Variants in TMEM232 observed in about 807,000 individuals in gnomAD.
The protein encoded by TMEM232 is transmembrane protein 232.
A neutral mutation model predicts 78.8 loss-of-function variants in TMEM232; 80 were observed. That is an observed-to-expected ratio of 1.01 (90% CI 0.85 to 1.22). The LOEUF is 1.22. Ranked by LOEUF, TMEM232 falls within the 50% of genes most tolerant of loss-of-function variation. The probability of loss-of-function intolerance (pLI) is 0.00; values close to 1 mark genes in which losing one functional copy is unlikely to be tolerated. For synonymous variants in TMEM232, 297 were observed against 254.3 expected (o/e 1.17, Z -1.60); for missense variants, 881 against 742.2 (o/e 1.19, Z -2.17).
chr5:110,704,476 C>T (rs1442499874), intron 1 of TMEM232, among the ~76,000 whole-genome samples: 1 of 152,060 alleles, frequency 6.6e-6, no homozygotes, highest in Non-Finnish European at 1.5e-5. Flanking sequence ...TGGACCAGGT[C>T]TGTACTCATG....
intron 10 of TMEM232, among the ~76,000 whole-genome samples, chr5:110,576,516 C>A (rs1777587140): frequency 6.6e-6 from 1 of 151,972 alleles, no homozygotes; most frequent in African/African-American, 2.4e-5. Flanking sequence ...ACATTCTTGA[C>A]AGAACTAGAA....
intron 12 of TMEM232, among the ~76,000 whole-genome samples, chr5:110,512,155 A>AAC (rs754430438): frequency 3.0e-4 from 45 of 152,204 alleles, no homozygotes; most frequent in Non-Finnish European, 5.0e-4. Flanking sequence ...GGTTTTAATT[A>AAC]ACATCTATCT....
At chr5:110,593,155 A>C (rs1779733411) in intron 10 of TMEM232, among the ~76,000 whole-genome samples, 1 of 152,172 alleles carries the variant, frequency 6.6e-6, no homozygotes, top group Non-Finnish European at 1.5e-5. Context: ...GGCACTGCTC[A>C]GAAGGAAGAA....
At chr5:110,672,173 T>C (rs1791443800) in intron 1 of TMEM232, among the ~76,000 whole-genome samples, 1 of 152,200 alleles carries the variant, frequency 6.6e-6, no homozygotes, top group Admixed American at 6.6e-5. Context: ...AGTAATATTT[T>C]TTGAGTTTCA....
At chr5:110,623,321 A>T (rs1784015351) in intron 7 of TMEM232, among the ~76,000 whole-genome samples, 1 of 152,188 alleles carries the variant, frequency 6.6e-6, no homozygotes, top group Non-Finnish European at 1.5e-5. Context: ...TTAAGTAATT[A>T]TGCCTTTATT....
chr5:110,657,949 A>C (rs553176354), intron 2 of TMEM232, among the ~76,000 whole-genome samples: 1 of 152,316 alleles, frequency 6.6e-6, no homozygotes, highest in South Asian at 2.1e-4. Context: ...AGAAATTTCA[A>C]ATAACAATTA....
intron 10 of TMEM232, among the ~76,000 whole-genome samples, chr5:110,573,786 GA>G (rs1777238031): frequency 6.6e-6 from 1 of 152,026 alleles, no homozygotes; most frequent in Non-Finnish European, 1.5e-5. Flanking sequence ...AGGAACAAGG[GA>G]AAAGCATTTC....
At chr5:110,415,740 TCTTC>T (rs1057415374), downstream of TMEM232, among the ~76,000 whole-genome samples, 12 of 152,104 alleles carry the variant, frequency 7.9e-5, no homozygotes, top group African/African-American at 2.9e-4. Flanking sequence ...ATTTTCTATT[TCTTC>T]GTGTTTTGAA....
chr5:110,628,219 A>C (rs1443138139), intron 5 of TMEM232, among the ~76,000 whole-genome samples: 2 of 152,116 alleles, frequency 1.3e-5, no homozygotes, highest in African/African-American at 4.8e-5. Context: ...TTTAAATAAA[A>C]TAAAAGAGAA....
intron 1 of TMEM232, among the ~76,000 whole-genome samples, chr5:110,686,686 A>G (rs1268545583): frequency 6.6e-6 from 1 of 152,202 alleles, no homozygotes; most frequent in African/African-American, 2.4e-5. Flanking sequence ...TAAGATTATA[A>G]GAGAAAATAC....
chr5:110,643,685 A>C (rs116696067), intron 2 of TMEM232, among the ~76,000 whole-genome samples: 3 of 152,032 alleles, frequency 2.0e-5, no homozygotes, highest in Admixed American at 2.0e-4. Context: ...GTATTTACTG[A>C]AATAGAATTT....
At chr5:110,515,238 T>C (rs927345703) in intron 12 of TMEM232, among the ~76,000 whole-genome samples, 1 of 152,222 alleles carries the variant, frequency 6.6e-6, no homozygotes, top group Admixed American at 6.5e-5. Context: ...GCAAACAAAA[T>C]TGATCATCTT....
intron 11 of TMEM232, among the ~76,000 whole-genome samples, chr5:110,533,798 T>A (rs925101932): frequency 7.2e-5 from 11 of 152,142 alleles, no homozygotes; most frequent in African/African-American, 2.7e-4. Flanking sequence ...TTCCTCACCC[T>A]GATCACACTT....
intron 12 of TMEM232, among the ~76,000 whole-genome samples, chr5:110,457,267 G>C (rs757063328): frequency 6.6e-6 from 1 of 152,018 alleles, no homozygotes; most frequent in Non-Finnish European, 1.5e-5. Flanking sequence ...AAGAGAATTT[G>C]TTCTACATAA....
chr5:110,671,727 A>G (rs1791373007), intron 1 of TMEM232, among the ~76,000 whole-genome samples: 1 of 152,128 alleles, frequency 6.6e-6, no homozygotes, highest in African/African-American at 2.4e-5. Context: ...GGGGAACATC[A>G]CACACCAGGG....
intron 10 of TMEM232, among the ~76,000 whole-genome samples, chr5:110,595,741 G>T (rs1780079430): frequency 6.6e-6 from 1 of 152,034 alleles, no homozygotes; most frequent in Non-Finnish European, 1.5e-5. Flanking sequence ...GAATGAAAAG[G>T]AATGAACAAA....
At chr5:110,690,363 A>G (rs115213108) in intron 1 of TMEM232, among the ~76,000 whole-genome samples, 1,795 of 152,224 alleles carry the variant, frequency 0.012, 46 homozygotes, top group African/African-American at 0.041. Flanking sequence ...GTCAAAAAAC[A>G]TACGAAAAAA....
chr5:110,653,323 C>A (rs945309182), intron 2 of TMEM232, among the ~76,000 whole-genome samples: 4 of 152,138 alleles, frequency 2.6e-5, no homozygotes, highest in African/African-American at 9.7e-5. Flanking sequence ...TCTGTAGAAA[C>A]AGTGAAAAAA....
intron 12 of TMEM232, among the ~76,000 whole-genome samples, chr5:110,474,965 T>G (rs1246597255): frequency 6.6e-6 from 1 of 151,966 alleles, no homozygotes; most frequent in Non-Finnish European, 1.5e-5. Context: ...CAGTGCAGTA[T>G]TTTTCCCAAA....
Sources: gnomAD v4.1 joint callset for allele counts (sites outside exome capture counted in the v4.1 genomes callset) on GRCh38, gnomAD v4.1.1 for gene constraint, MANE v1.5 for transcripts, NCBI Gene and HGNC (gene_info 2026-07-23, HGNC 2026-07-21) for gene names.